SPIC: variants seen among roughly 807,000 people sequenced by gnomAD.
The protein encoded by SPIC is transcription factor Spi-C.
In SPIC, 9 loss-of-function variants were observed where a neutral mutation model predicts 16.7. The observed-to-expected ratio is 0.54, with a 90% CI of 0.33 to 0.94. SPIC has a LOEUF of 0.94. Ranked by LOEUF, SPIC falls within the 40% of genes least tolerant of loss-of-function variation. SPIC has a pLI of 0.03. For synonymous variants in SPIC, 97 were observed against 102.9 expected, an observed-to-expected ratio of 0.94 and a Z score of 0.35; for missense variants, 241 against 285.8, an observed-to-expected ratio of 0.84 and a Z score of 1.13.
At chr12:101,478,428 A>T (rs868062133) in intron 3 of SPIC, among the ~76,000 whole-genome samples, 10 of 152,240 alleles carry the variant, frequency 6.6e-5, no homozygotes, top group African/African-American at 2.4e-4. Flanking sequence ...CCTGGACTCA[A>T]AAACGAGATC....
In SPIC at chr12:101,477,594, G is replaced by A. The variant is rs1327317852; in HGVS notation, c.40G>A (p.Glu14Lys). The A allele has an allele frequency of 1.2e-6, 2 of 1,614,004 alleles. No individual in the cohort carries two copies. Among genetic ancestry groups the A allele is most frequent in the African/African-American group, 2.7e-5 (2 of 75,052 alleles). ...ACAAGACAAGCTGGGTCAAGCATTT[G>A]AAGATGCTTTTGAGGTTCTGAGGCA... ...VEQDKLGQAF[E>K]DAFEVLRQHS... Residue 14 changes from glutamate (E) to lysine (K), a missense_variant, in exon 3 of 6, where the codon GAA (glutamate) becomes AAA (lysine). Glu to Lys is a moderately conservative substitution (Grantham distance 56, BLOSUM62 1). Transcript: ENST00000551346.
chr12:101,482,642 C>G, intron 4 of SPIC, 150 bp from the exon 5 acceptor site: 1 of 688,342 alleles, frequency 1.5e-6, no homozygotes, highest in East Asian at 2.6e-5. Flanking sequence ...GCTAGTGCTG[C>G]CCTGGGAGCT....
At chr12:101,479,520 A>G in intron 3 of SPIC, 62 bp from the exon 4 acceptor site, 2 of 1,271,852 alleles carry the variant, frequency 1.6e-6, no homozygotes, top group Non-Finnish European at 2.3e-6. Context: ...ATATACACAC[A>G]TATTTATATG....
At chr12:101,479,264 AAG>A (rs1243251193) in intron 3 of SPIC, among the ~76,000 whole-genome samples, 13 of 77,622 alleles carry the variant, frequency 1.7e-4, no homozygotes, top group African/African-American at 7.6e-4. Context: ...GAAGGAAGGA[AAG>A]AAAGAAAGAA....
chr12:101,486,986 T>A lies in SPIC; in HGVS notation c.*215T>A. On this transcript the variant is annotated 3_prime_UTR_variant, in exon 6 of 6. Transcript: ENST00000551346. Reference sequence around the variant, plus strand: ...TTGGGAAATTCTGCCAATGAACAACTTTTTTATAATACTTTGTGAAGATTC... The same window carrying A: ...TTGGGAAATTCTGCCAATGAACAACATTTTTATAATACTTTGTGAAGATTC... 1 of 347,260 alleles carries A rather than the reference T, an allele frequency of 2.9e-6. No individual in the cohort carries two copies. The highest frequency in any genetic ancestry group is 5.2e-6 in the Non-Finnish European group (1 of 193,278). The allele number at this position is 347,260 out of a possible 1,614,324, so 21.5% of individuals were successfully genotyped here.
chr12:101,486,204 T>G, intron 5 of SPIC, 140 bp from the exon 6 acceptor site: 1 of 736,026 alleles, frequency 1.4e-6, no homozygotes, highest in Non-Finnish European at 2.2e-6. Context: ...GATGCCATCA[T>G]GCATTCGTAA....
At position 101,476,942 on chromosome 12, in the gene SPIC, C is replaced by T. The variant is rs116605112; in HGVS notation, c.3+35C>T. ...CATTTTAATATTTTCTTTACTCTGT[C>T]CACAGAGGAGCTCTACAGCATAATA... On this transcript the variant is annotated intron_variant, in intron 2 of 5. Transcript: ENST00000551346. The T allele has an allele frequency of 1.0e-3, 1,421 of 1,396,650 alleles. 12 individuals are homozygous for T. The African/African-American group carries it at 0.019, about 18-fold the overall frequency. 86.5% of individuals were successfully genotyped at this position (1,396,650 alleles called of 1,614,324 possible).
chr12:101,479,282 GAAAA>G (rs1208437586), intron 3 of SPIC, among the ~76,000 whole-genome samples: 1 of 50,954 alleles, frequency 2.0e-5, no homozygotes, highest in African/African-American at 9.9e-5. Flanking sequence ...AAGAAAGAAA[GAAAA>G]AGAAAGAAAG....
Position 101,486,343 on chromosome 12 carries a change from G to A in SPIC, c.320-1G>A. 1.3e-6 allele frequency: 2 copies of A among 1,598,778 alleles called. No individual in the cohort carries two copies. Among genetic ancestry groups the A allele is most frequent in the Non-Finnish European group, 1.7e-6 (2 of 1,172,846 alleles). ...TTTGACCTTGTTTCCCTTCATTTTA[G>A]GCAGGAAGAAGCTCCGACTGTTTGA... On this transcript the variant is annotated splice_acceptor_variant, in intron 5 of 5. Transcript: ENST00000551346. LOFTEE classifies it high-confidence loss of function.
Position 101,482,146 on chromosome 12 carries a change from C to T in SPIC, c.211-646C>T, listed in dbSNP as rs1184157928. ...ACTAGGGAGGCTGAGGCAGGAGAAT[C>T]GCTTGAAACTGGGAGGCGGAGGTTG... On this transcript the variant is annotated intron_variant, in intron 4 of 5. Coordinates refer to ENST00000551346, the MANE Select transcript of SPIC (RefSeq NM_152323.3). Among the ~76,000 whole-genome samples, 4 of 150,552 alleles carry T rather than the reference C, an allele frequency of 2.7e-5. No homozygotes were observed. The South Asian group carries it at 6.4e-4, about 24-fold the overall frequency.
intron 4 of SPIC, among the ~76,000 whole-genome samples, chr12:101,481,249 C>T (rs1046874952): frequency 7.9e-5 from 12 of 151,646 alleles, no homozygotes; most frequent in Non-Finnish European, 1.5e-5. Flanking sequence ...TGCAGTGGTG[C>T]GATTATAGCT....
At chr12:101,478,931 G>A (rs1347591744) in intron 3 of SPIC, among the ~76,000 whole-genome samples, 1 of 144,536 alleles carries the variant, frequency 6.9e-6, no homozygotes, top group Non-Finnish European at 1.6e-5. Flanking sequence ...GAGCCCAGGA[G>A]TTCAAGACCA....
rs553708714 is a variant in SPIC at position 101,477,271 on chromosome 12, A to C, written c.4-287A>C. The stretch of plus-strand genomic sequence containing the variant: ...AGTATACTATAATGGAGTGTGTTTC[A>C]ACTGTGATTGATTTTGTGCCTCAGG... On this transcript the variant is annotated intron_variant, in intron 2 of 5. Coordinates refer to ENST00000551346, the MANE Select transcript of SPIC (RefSeq NM_152323.3). Among the ~76,000 whole-genome samples the C allele has an allele frequency of 9.1e-4, 138 of 152,254 alleles. 1 individual carries two copies. Among genetic ancestry groups the C allele is most frequent in the South Asian group, 2.5e-3 (12 of 4,824 alleles).
chr12:101,477,048 T>C, intron 2 of SPIC, 141 bp downstream of exon 2: 1 of 460,010 alleles, frequency 2.2e-6, no homozygotes, highest in East Asian at 3.6e-5. Flanking sequence ...ATGAAATAGT[T>C]TGCAAAGCAA....
intron 5 of SPIC, among the ~76,000 whole-genome samples, chr12:101,485,347 C>T (rs1873333342): frequency 6.6e-6 from 1 of 152,152 alleles, no homozygotes; most frequent in Non-Finnish European, 1.5e-5. Context: ...TGAACAAAAC[C>T]CACACAGATT....
chr12:101,486,692 A>G lies in SPIC; in HGVS notation c.668A>G (p.Tyr223Cys). Residue 223 changes from tyrosine to cysteine, a missense_variant, in exon 6 of 6, where the codon TAT becomes TGT. Transcript: ENST00000551346. ...YSQCVQPDQEYLSLNNWNANY... is the reference protein window; with the variant it reads ...YSQCVQPDQECLSLNNWNANY... ...CAGTGTGTTCAACCTGATCAAGAATATCTCAGTTTAAATAACTGGAATGCA... is the reference window on the plus strand; with the variant it reads ...CAGTGTGTTCAACCTGATCAAGAATGTCTCAGTTTAAATAACTGGAATGCA... The G allele has an allele frequency of 6.2e-7, 1 of 1,610,498 alleles. No homozygotes were observed. The highest frequency in any genetic ancestry group is 8.5e-7 in the Non-Finnish European group (1 of 1,177,692).
rs1050503565 is a variant in SPIC at position 101,486,336 on chromosome 12, C to CA, written c.320-7dup. 3.1e-6 allele frequency: 5 copies of CA among 1,593,556 alleles called. No homozygotes were observed. The highest frequency in any genetic ancestry group is 1.8e-5 in the Admixed American group (1 of 56,116). Reference sequence around the variant, plus strand: ...GGTGGAGTTTGACCTTGTTTCCCTTCATTTTAGGCAGGAAGAAGCTCCGAC... The same window carrying CA: ...GGTGGAGTTTGACCTTGTTTCCCTTCAATTTTAGGCAGGAAGAAGCTCCGAC... On this transcript the variant is annotated splice_polypyrimidine_tract_variant and splice_region_variant and intron_variant, in intron 5 of 5. Transcript: ENST00000551346.
At position 101,479,307 on chromosome 12, in the gene SPIC, A is replaced by AGAAAAAAG. The variant is rs1555209046; in HGVS notation, c.98-275_98-274insGAAAAAAG. Among the ~76,000 whole-genome samples the AGAAAAAAG allele has an allele frequency of 4.5e-4, 40 of 88,216 alleles. 2 individuals carry two copies. Among genetic ancestry groups the AGAAAAAAG allele is most frequent in the Middle Eastern group, 5.5e-3 (1 of 182 alleles). 57.9% of individuals were successfully genotyped at this position (88,216 alleles called of 152,430 possible). ...GAAAAAGAAAGAAAGAAAGAAAGAA[A>AGAAAAAAG]AAAGAAAGAAAGAAAGAAAGAAAGA... On this transcript the variant is annotated intron_variant, in intron 3 of 5. Coordinates refer to ENST00000551346, the MANE Select transcript of SPIC (RefSeq NM_152323.3).
chr12:101,486,608 A>C lies in SPIC; in HGVS notation c.584A>C (p.Glu195Ala). The change falls in exon 6 of 6, where the codon GAG becomes GCG. Residue 195 changes from glutamate to alanine, a missense_variant. Coordinates refer to ENST00000551346, the MANE Select transcript of SPIC (RefSeq NM_152323.3). ...AGGAAGCTGACTTACCAGTTCAGTG[A>C]GGCCATTCTCCAAAGACTCTCTCCA... ...IRRKLTYQFSEAILQRLSPSY... is the reference protein window; with the variant it reads ...IRRKLTYQFSAAILQRLSPSY... The C allele has an allele frequency of 6.2e-7, 1 of 1,614,068 alleles. No individual in the cohort carries two copies. Among genetic ancestry groups the C allele is most frequent in the Non-Finnish European group, 8.5e-7 (1 of 1,179,956 alleles).
Sources: allele counts gnomAD v4.1 joint callset (sites outside exome capture counted in the v4.1 genomes callset), GRCh38; gene constraint gnomAD v4.1.1; transcripts MANE v1.5; gene names NCBI Gene and HGNC (gene_info 2026-07-23, HGNC 2026-07-21).